The following XRCC4 variants were observed in gnomAD, a reference collection of about 807,000 sequenced individuals.
XRCC4 encodes the protein DNA repair protein XRCC4.
In XRCC4, 28 loss-of-function variants were observed where a neutral mutation model predicts 39.1. The observed-to-expected ratio is 0.72, with a 90% CI of 0.53 to 0.98. XRCC4 has a LOEUF of 0.98. Among genes scored for constraint, XRCC4 ranks in the 50% least tolerant of loss-of-function variants. The pLI is 0.00. For missense variants in XRCC4, 350 were observed against 376.4 expected, an observed-to-expected ratio of 0.93 and a Z score of 0.58; for synonymous variants, 123 against 126.4, an observed-to-expected ratio of 0.97 and a Z score of 0.18.
chr5:83,244,342 A>G (rs1309281495), intron 6 of XRCC4, among the ~76,000 whole-genome samples: 2 of 152,178 alleles, frequency 1.3e-5, no homozygotes, highest in Middle Eastern at 3.2e-3. Context: ...CTGGAAAGTC[A>G]GCTTGCTGTT....
At chr5:83,310,424 G>T (rs569153445) in intron 7 of XRCC4, among the ~76,000 whole-genome samples, 1 of 152,268 alleles carries the variant, frequency 6.6e-6, no homozygotes, top group East Asian at 1.9e-4. Flanking sequence ...TATGGAGAGG[G>T]TGATCAAGAA....
chr5:83,202,961 G>C (rs1469586803), intron 4 of XRCC4, among the ~76,000 whole-genome samples: 1 of 151,932 alleles, frequency 6.6e-6, no homozygotes, highest in African/African-American at 2.4e-5. Flanking sequence ...TACATTTGCT[G>C]TTTTATTAAT....
intron 6 of XRCC4, among the ~76,000 whole-genome samples, chr5:83,212,448 A>G (rs1751685171): frequency 6.6e-6 from 1 of 152,160 alleles, no homozygotes; most frequent in Non-Finnish European, 1.5e-5. Context: ...AGAGAAATGA[A>G]CAGATCTTCA....
intron 3 of XRCC4, among the ~76,000 whole-genome samples, chr5:83,184,214 G>T (rs999495866): frequency 6.6e-6 from 1 of 151,792 alleles, no homozygotes; most frequent in Non-Finnish European, 1.5e-5. Context: ...TTTCAATTAG[G>T]AATTTTAAAA....
intron 6 of XRCC4, among the ~76,000 whole-genome samples, chr5:83,230,842 A>G (rs1580399644): frequency 6.6e-6 from 1 of 152,170 alleles, no homozygotes; most frequent in East Asian, 1.9e-4. Flanking sequence ...CTCTTGTAGA[A>G]GAAAAATGTG....
chr5:83,187,922 G>C (rs1005618011), intron 3 of XRCC4, among the ~76,000 whole-genome samples: 1 of 152,164 alleles, frequency 6.6e-6, no homozygotes, highest in African/African-American at 2.4e-5. Context: ...ACAGACAATA[G>C]ATACATTTTG....
At chr5:83,126,115 T>C (rs1478226331) in intron 3 of XRCC4, among the ~76,000 whole-genome samples, 1 of 151,762 alleles carries the variant, frequency 6.6e-6, no homozygotes, top group Non-Finnish European at 1.5e-5. Context: ...TTTTACTCTA[T>C]TTATTTAAAA....
intron 3 of XRCC4, among the ~76,000 whole-genome samples, chr5:83,137,366 AGTT>A (rs1422583934): frequency 2.6e-5 from 4 of 152,208 alleles, no homozygotes; most frequent in African/African-American, 9.6e-5. Flanking sequence ...AATGTAGTCT[AGTT>A]GTGTTCACAC....
the XRCC4 span, among the ~76,000 whole-genome samples, chr5:83,360,413 G>GT: frequency 6.6e-6 from 1 of 152,064 alleles, no homozygotes; most frequent in Admixed American, 6.6e-5. Flanking sequence ...GCTGAAAGAG[G>GT]TATAATACAG....
chr5:83,104,311 T>C (rs994370508), intron 1 of XRCC4, among the ~76,000 whole-genome samples: 2 of 152,184 alleles, frequency 1.3e-5, no homozygotes, highest in African/African-American at 4.8e-5. Flanking sequence ...GAGACTAAGA[T>C]ACTTGGTCAA....
intron 3 of XRCC4, 132 bp from the exon 4 acceptor site, chr5:83,195,638 T>C: frequency 1.2e-6 from 1 of 854,334 alleles, no homozygotes; most frequent in South Asian, 3.2e-5. Context: ...ACTGTTTGTA[T>C]ATCTTGTAAA....
chr5:83,134,155 G>A (rs1225508588), intron 3 of XRCC4, among the ~76,000 whole-genome samples: 3 of 151,998 alleles, frequency 2.0e-5, no homozygotes, highest in East Asian at 1.9e-4. Context: ...TCTCTTTCTC[G>A]CTTTCCCTAT....
intron 6 of XRCC4, among the ~76,000 whole-genome samples, chr5:83,229,506 G>T (rs1286233695): frequency 6.6e-6 from 1 of 151,366 alleles, no homozygotes; most frequent in Non-Finnish European, 1.5e-5. Context: ...TATCCACCCT[G>T]CTCTGAATGC....
intron 7 of XRCC4, among the ~76,000 whole-genome samples, chr5:83,348,629 T>G (rs1247775897): frequency 6.6e-6 from 1 of 152,224 alleles, no homozygotes; most frequent in African/African-American, 2.4e-5. Flanking sequence ...TGGGAGGGGC[T>G]GCCATGAAGA....
chr5:83,281,502 TTG>T (rs201291432), intron 7 of XRCC4, among the ~76,000 whole-genome samples: 1 of 141,542 alleles, frequency 7.1e-6, no homozygotes, highest in East Asian at 2.0e-4. Flanking sequence ...GTTTTTTGTT[TTG>T]TTTTTTTTTT....
intron 7 of XRCC4, among the ~76,000 whole-genome samples, chr5:83,272,402 T>A (rs1248238656): frequency 2.0e-5 from 3 of 152,122 alleles, no homozygotes; most frequent in Non-Finnish European, 4.4e-5. Context: ...TTGTTACACC[T>A]TTTTATTATT....
chr5:83,150,300 G>T (rs1373026408), intron 3 of XRCC4, among the ~76,000 whole-genome samples: 2 of 152,064 alleles, frequency 1.3e-5, no homozygotes, highest in Admixed American at 1.3e-4. Flanking sequence ...TCCTTGAATT[G>T]CACACATTCG....
chr5:83,298,753 C>G (rs1484002996), intron 7 of XRCC4, among the ~76,000 whole-genome samples: 1 of 151,870 alleles, frequency 6.6e-6, no homozygotes, highest in African/African-American at 2.4e-5. Context: ...AACATGTTCT[C>G]TTAACTTATG....
chr5:83,210,378 C>T (rs952160650), intron 6 of XRCC4, among the ~76,000 whole-genome samples: 4 of 152,118 alleles, frequency 2.6e-5, no homozygotes, highest in East Asian at 1.9e-4. Context: ...GGCTTTTATA[C>T]ATAACCATTG....
Sources: allele counts gnomAD v4.1 joint callset (sites outside exome capture counted in the v4.1 genomes callset), GRCh38; gene constraint gnomAD v4.1.1; transcripts MANE v1.5; gene names NCBI Gene and HGNC (gene_info 2026-07-23, HGNC 2026-07-21).